Variants in SRP72 observed in about 807,000 individuals in gnomAD.
SRP72 encodes signal recognition particle subunit SRP72.
Under a neutral mutation model 96.3 loss-of-function variants are expected in SRP72, and 49 were observed. The ratio of observed to expected loss-of-function variants is 0.51; its 90% CI spans 0.40 to 0.65. The LOEUF is 0.65. SRP72 is among the 30% of genes least tolerant of loss of function. SRP72 has a pLI of 0.00. For missense variants in SRP72, 736 were observed against 793.3 expected, an observed-to-expected ratio of 0.93 and a Z score of 0.87; for synonymous variants, 267 against 275.2, an observed-to-expected ratio of 0.97 and a Z score of 0.30.
intron 3 of SRP72, among the ~76,000 whole-genome samples, chr4:56,473,315 C>A (rs1292313952): frequency 1.3e-5 from 2 of 152,028 alleles, no homozygotes; most frequent in Admixed American, 1.3e-4. Context: ...AAAAAATTAG[C>A]CAGGTGTGGT....
At chr4:56,467,794 CG>C (rs1719794184) in intron 1 of SRP72, 50 bp downstream of exon 1, 1 of 1,407,888 alleles carries the variant, frequency 7.1e-7, no homozygotes, top group Non-Finnish European at 9.3e-7. Flanking sequence ...CTGGAGGATG[CG>C]GCCTGTTTCC....
intron 6 of SRP72, among the ~76,000 whole-genome samples, chr4:56,477,407 C>T (rs1380680558): frequency 1.3e-5 from 2 of 148,756 alleles, no homozygotes; most frequent in African/African-American, 5.0e-5. Flanking sequence ...TGGGCTCAAG[C>T]AATCCTCTCA....
intron 3 of SRP72, among the ~76,000 whole-genome samples, chr4:56,472,134 G>C (rs1281550169): frequency 6.6e-6 from 1 of 152,114 alleles, no homozygotes; most frequent in East Asian, 1.9e-4. Flanking sequence ...CATTGAGCTT[G>C]TATATTAAAC....
rs74558471 is a variant in SRP72 at position 56,500,726 on chromosome 4, T to G, written c.1838+31T>G. 4.4e-4 allele frequency: 702 copies of G among 1,591,408 alleles called. 8 individuals are homozygous for G. In the African/African-American group the frequency reaches 8.6e-3, roughly 19 times the overall value. ...TTATTGCTCCACAATTGAGGGCACT[T>G]AGAACATACGTTGTTTCTAGATTGA... On this transcript the variant is annotated intron_variant, in intron 18 of 18. Transcript: ENST00000642900.
chr4:56,483,977 T>C (rs540091973), intron 9 of SRP72, among the ~76,000 whole-genome samples: 2 of 151,794 alleles, frequency 1.3e-5, no homozygotes, highest in South Asian at 4.2e-4. Flanking sequence ...TAATTCTAAT[T>C]TTATACTGTT....
At chr4:56,480,387 G>A (rs1022038254) in intron 8 of SRP72, among the ~76,000 whole-genome samples, 24 of 152,160 alleles carry the variant, frequency 1.6e-4, no homozygotes, top group Non-Finnish European at 1.5e-5. Flanking sequence ...AGCCACCCGA[G>A]TAGCTGGGAC....
At chr4:56,470,713 A>G (rs541576986) in intron 2 of SRP72, among the ~76,000 whole-genome samples, 1 of 152,202 alleles carries the variant, frequency 6.6e-6, no homozygotes, top group Non-Finnish European at 1.5e-5. Context: ...AATAGAGGCA[A>G]TGCTGCTTTT....
At chr4:56,489,176 A>G in intron 12 of SRP72, 1 of 407,728 alleles carries the variant, frequency 2.5e-6, no homozygotes, top group East Asian at 3.5e-5. Flanking sequence ...GTTTTATTTT[A>G]CAGATATCTA....
At chr4:56,489,173 T>C in intron 12 of SRP72, 1 of 405,650 alleles carries the variant, frequency 2.5e-6, no homozygotes, top group Non-Finnish European at 4.4e-6. Flanking sequence ...AAAGTTTTAT[T>C]TTACAGATAT....
intron 8 of SRP72, 67 bp downstream of exon 8, chr4:56,478,716 T>G: frequency 4.0e-6 from 6 of 1,508,480 alleles, no homozygotes; most frequent in Non-Finnish European, 5.4e-6. Flanking sequence ...AGTTTTAGTT[T>G]TGTTCTAGGA....
chr4:56,489,328 C>A, intron 12 of SRP72, 60 bp from the exon 13 acceptor site: 1 of 964,978 alleles, frequency 1.0e-6, no homozygotes, highest in Non-Finnish European at 1.6e-6. Flanking sequence ...TTTTTATTTT[C>A]AAAAGCGGTA....
intron 3 of SRP72, among the ~76,000 whole-genome samples, chr4:56,473,846 T>A (rs1408194695): frequency 6.6e-6 from 1 of 152,158 alleles, no homozygotes; most frequent in Non-Finnish European, 1.5e-5. Flanking sequence ...TAGTGAAAAT[T>A]CATTTTAAAA....
chr4:56,467,851 C>T, intron 1 of SRP72, 107 bp downstream of exon 1: 1 of 1,067,936 alleles, frequency 9.4e-7, no homozygotes, highest in Non-Finnish European at 1.3e-6. Flanking sequence ...AGGGGAGACC[C>T]CCGAAACCCC....
intron 6 of SRP72, chr4:56,476,937 G>A: frequency 2.2e-6 from 1 of 462,976 alleles, no homozygotes; most frequent in East Asian, 3.7e-5. Context: ...TTTATATAAT[G>A]TAAATTTATT....
In SRP72 at chr4:56,469,689, A is replaced by C. The variant is rs781300160; in HGVS notation, c.146A>C (p.His49Pro). Residue 49 changes from histidine to proline, a missense_variant, in exon 2 of 19, where the codon CAT becomes CCT. Transcript: ENST00000642900. Reference sequence around the variant, plus strand: ...AACAAAGATGACGTAACTGCCCTGCATTGTAAAGTGGTATGCCTTATCCAG... The same window carrying C: ...AACAAAGATGACGTAACTGCCCTGCCTTGTAAAGTGGTATGCCTTATCCAG... ...QINKDDVTAL[H>P]CKVVCLIQNG... is the part of the protein sequence containing the mutation. The C allele has an allele frequency of 6.2e-7, 1 of 1,612,050 alleles. No homozygotes were observed. The highest frequency in any genetic ancestry group is 8.5e-7 in the Non-Finnish European group (1 of 1,178,470).
intron 16 of SRP72, among the ~76,000 whole-genome samples, chr4:56,493,996 A>G (rs1480577137): frequency 6.6e-6 from 1 of 152,240 alleles, no homozygotes; most frequent in African/African-American, 2.4e-5. Context: ...TCCTGAGGAC[A>G]GTGGGAAGTT....
At chr4:56,497,021 T>G (rs1354047441) in intron 17 of SRP72, among the ~76,000 whole-genome samples, 1 of 151,980 alleles carries the variant, frequency 6.6e-6, no homozygotes, top group Non-Finnish European at 1.5e-5. Context: ...CCAGAGACAA[T>G]TACTTAACTT....
rs377205132 is a variant in SRP72, at chr4:56,491,519, C to T, written c.1591C>T (p.Arg531Trp). 3.5e-5 allele frequency: 56 copies of T among 1,613,676 alleles called. No individual in the cohort carries two copies. Among genetic ancestry groups the T allele is most frequent in the Middle Eastern group, 1.6e-4 (1 of 6,080 alleles). Residue 531 changes from arginine to tryptophan, a missense_variant, in exon 16 of 19, where the codon CGG becomes TGG. Arg to Trp is a moderately radical substitution (Grantham distance 101). This residue lies in a region of SRP72 where 388 missense variants were observed against 431.8 expected (regional missense o/e 0.90). Transcript: ENST00000642900. ...LENSAGATYI[R>W]KKGGKVTGDS... The stretch of plus-strand genomic sequence containing the variant: ...AAATTCTGCTGGTGCTACATACATT[C>T]GGAAGAAGGGTGGAAAAGTTACTGG...
Position 56,471,846 on chromosome 4 carries a change from A to T in SRP72, c.354+3A>T. The T allele has an allele frequency of 6.2e-7, 1 of 1,613,714 alleles. No homozygotes were observed. The highest frequency in any genetic ancestry group is 1.7e-5 in the Admixed American group (1 of 59,956). On this transcript the variant is annotated splice_donor_region_variant and intron_variant, in intron 3 of 18. Transcript: ENST00000642900. The stretch of plus-strand genomic sequence containing the variant: ...TGAAGGAGCTTTATGGACAAGTGGT[A>T]ATTACTGCTTTTAAATACATGTTGA...
Sources: gnomAD v4.1 joint callset for allele counts (sites outside exome capture counted in the v4.1 genomes callset) on GRCh38, gnomAD v4.1.1 for gene constraint, gnomAD v4.1.1 regional missense constraint, MANE v1.5 for transcripts, NCBI Gene and HGNC (gene_info 2026-07-23, HGNC 2026-07-21) for gene names.